ATP2C1: variants seen among roughly 807,000 people sequenced by gnomAD.
The protein encoded by ATP2C1 is calcium-transporting ATPase type 2C member 1.
Under a neutral mutation model 120.5 loss-of-function variants are expected in ATP2C1, and 31 were observed. The ratio of observed to expected loss-of-function variants is 0.26; its 90% CI spans 0.19 to 0.35. The LOEUF is 0.35. Among genes scored for constraint, ATP2C1 ranks in the 10% least tolerant of loss-of-function variants. ATP2C1 has a pLI of 1.00. For synonymous variants in ATP2C1, 351 were observed against 358.7 expected (o/e 0.98, Z 0.24); for missense variants, 731 against 1,107.5 (o/e 0.66, Z 4.83).
intron 6 of ATP2C1, among the ~76,000 whole-genome samples, chr3:130,938,513 T>C (rs2059764145): frequency 6.6e-6 from 1 of 152,226 alleles, no homozygotes; most frequent in Non-Finnish European, 1.5e-5. Context: ...CTAGTTGTTA[T>C]TAGTTCTGTA....
chr3:130,930,518 A>G lies in ATP2C1; in HGVS notation c.109A>G (p.Ile37Val). 6.2e-7 allele frequency: 1 copy of G among 1,603,346 alleles called. No individual in the cohort carries two copies. The highest frequency in any genetic ancestry group is 8.5e-7 in the Non-Finnish European group (1 of 1,170,260). Residue 37 changes from isoleucine to valine, a missense_variant, in exon 3 of 28, where the codon ATT (isoleucine) becomes GTT (valine). Ile to Val is a conservative substitution (Grantham distance 29, BLOSUM62 3). Coordinates refer to ENST00000510168, the MANE Select transcript of ATP2C1 (RefSeq NM_001378687.1). ...ATTACCAGTCAGTGAAGTTGCAAGC[A>G]TTCTCCAAGTAAGTGGTTAGTGGGG... ...SELPVSEVASILQADLQNGLN... is the reference protein window; with the variant it reads ...SELPVSEVASVLQADLQNGLN...
chr3:130,953,698 G>A, intron 8 of ATP2C1, 123 bp from the exon 9 acceptor site: 1 of 996,884 alleles, frequency 1.0e-6, no homozygotes, highest in Non-Finnish European at 1.6e-6. Context: ...TGATGGTTTT[G>A]ATACAAGATG....
intron 9 of ATP2C1, 67 bp downstream of exon 9, chr3:130,954,043 T>C: frequency 1.9e-6 from 3 of 1,571,174 alleles, no homozygotes; most frequent in Non-Finnish European, 2.6e-6. Flanking sequence ...AATTATTTTT[T>C]GCTGATTTTA....
chr3:130,934,714 A>G lies in ATP2C1; in HGVS notation c.324+3A>G. ...ATGATGCCGTCAGTATCACTGTGGT[A>G]AGAAAAAAATTACATATTTTTAATC... On this transcript the variant is annotated splice_donor_region_variant and intron_variant, in intron 5 of 27. Coordinates refer to ENST00000510168, the MANE Select transcript of ATP2C1 (RefSeq NM_001378687.1). 6.3e-7 allele frequency: 1 copy of G among 1,591,092 alleles called. No homozygotes were observed. The highest frequency in any genetic ancestry group is 8.6e-7 in the Non-Finnish European group (1 of 1,159,378).
downstream of ATP2C1, among the ~76,000 whole-genome samples, chr3:131,004,821 G>A (rs146265312): frequency 2.6e-5 from 4 of 151,790 alleles, no homozygotes; most frequent in African/African-American, 7.3e-5. Flanking sequence ...ACCACAATGA[G>A]TTTGACACTG....
intron 20 of ATP2C1, among the ~76,000 whole-genome samples, chr3:130,990,022 T>C (rs2062245872): frequency 6.6e-6 from 1 of 152,212 alleles, no homozygotes; most frequent in African/African-American, 2.4e-5. Flanking sequence ...TTGGATTGCC[T>C]AGGGATAATC....
intron 2 of ATP2C1, among the ~76,000 whole-genome samples, chr3:130,902,283 CG>C (rs2057873570): frequency 8.6e-5 from 7 of 80,938 alleles, no homozygotes; most frequent in African/African-American, 2.9e-4. Flanking sequence ...CAAGGCTTCA[CG>C]TTTTTTTTTT....
At chr3:130,949,926 T>G (rs2060300225) in intron 8 of ATP2C1, among the ~76,000 whole-genome samples, 1 of 152,172 alleles carries the variant, frequency 6.6e-6, no homozygotes, top group Non-Finnish European at 1.5e-5. Flanking sequence ...AATCCATTTC[T>G]AATCTGCATT....
intron 8 of ATP2C1, among the ~76,000 whole-genome samples, chr3:130,951,214 G>C (rs1191038870): frequency 6.6e-6 from 1 of 152,022 alleles, no homozygotes; most frequent in Non-Finnish European, 1.5e-5. Flanking sequence ...TCTATAAGTG[G>C]TTACAAAATT....
intron 12 of ATP2C1, among the ~76,000 whole-genome samples, chr3:130,962,145 G>T (rs2108617145): frequency 6.6e-6 from 1 of 152,056 alleles, no homozygotes; most frequent in East Asian, 1.9e-4. Context: ...ACTTCATACT[G>T]CTTTTAAGTG....
intron 1 of ATP2C1, among the ~76,000 whole-genome samples, chr3:130,860,998 G>A (rs768512429): frequency 8.5e-5 from 13 of 152,134 alleles, no homozygotes; most frequent in Non-Finnish European, 1.8e-4. Flanking sequence ...GACATGGTGC[G>A]GTGGCTCACG....
Position 130,956,084 on chromosome 3 carries a change from C to G in ATP2C1, c.757-20C>G, listed in dbSNP as rs755520103. 1.9e-6 allele frequency: 3 copies of G among 1,555,872 alleles called. No individual in the cohort carries two copies. The East Asian group carries it at 6.7e-5, about 35-fold the overall frequency. ...GTAAATATAGCTAATTGTGGTGACA[C>G]TCTTCTTCAATTTATCAAGGCACCA... On this transcript the variant is annotated intron_variant, in intron 10 of 27. Coordinates refer to ENST00000510168, the MANE Select transcript of ATP2C1 (RefSeq NM_001378687.1).
At chr3:130,970,418 T>C (rs2061255579) in intron 17 of ATP2C1, among the ~76,000 whole-genome samples, 2 of 137,250 alleles carry the variant, frequency 1.5e-5, no homozygotes, top group Non-Finnish European at 1.5e-5. Flanking sequence ...CCTTAAACTT[T>C]CCTTCACTCT....
intron 1 of ATP2C1, among the ~76,000 whole-genome samples, chr3:130,873,327 A>C (rs2068495021): frequency 6.6e-6 from 1 of 152,250 alleles, no homozygotes. Context: ...ATTCTTGAGC[A>C]GGGAGCTTCC....
chr3:130,899,868 A>G (rs915146963), intron 2 of ATP2C1, among the ~76,000 whole-genome samples: 8 of 152,116 alleles, frequency 5.3e-5, no homozygotes, highest in African/African-American at 1.4e-4. Context: ...TAATTCTGCT[A>G]TAGGTATTAG....
chr3:130,895,566 T>C (rs150034649), intron 2 of ATP2C1, among the ~76,000 whole-genome samples: 132 of 152,304 alleles, frequency 8.7e-4, no homozygotes, highest in African/African-American at 3.1e-3. Flanking sequence ...TTGTGCGTGA[T>C]CATTTTTTTT....
Position 131,001,494 on chromosome 3 carries a change from CTT to C in ATP2C1, c.*146_*147del. 7.4e-7 allele frequency: 1 copy of C among 1,348,430 alleles called. No individual in the cohort carries two copies. The highest frequency in any genetic ancestry group is 2.9e-5 in the East Asian group (1 of 34,972). The allele number at this position is 1,348,430 out of a possible 1,614,324, so 83.5% of individuals were successfully genotyped here. A position where few individuals can be genotyped will look rare whatever the true frequency, so the allele number is the denominator to read the frequency against. The stretch of plus-strand genomic sequence containing the variant: ...GAACATTAATGTTAAAGACTTAAGA[CTT>C]TAACCTGCTGGCAGTCCCAAATGAA... On this transcript the variant is annotated 3_prime_UTR_variant, in exon 28 of 28. Coordinates refer to ENST00000510168, the MANE Select transcript of ATP2C1 (RefSeq NM_001378687.1).
chr3:130,980,610 T>G lies in ATP2C1; in HGVS notation c.1770T>G (p.Thr590=). The G allele has an allele frequency of 6.2e-7, 1 of 1,613,316 alleles. No individual in the cohort carries two copies. Among genetic ancestry groups the G allele is most frequent in the East Asian group, 2.2e-5 (1 of 44,798 alleles). ...GTCGTCTGGGATTGTATTCCAAAAC[T>G]TCCCAGTCAGTCTCAGGAGAAGAAA... is the stretch of plus-strand genomic sequence containing the variant. ...IASRLGLYSK[T]SQSVSGEEID... Residue 590 remains threonine (T), a synonymous_variant, in exon 20 of 28, where the codon ACT becomes ACG. Coordinates refer to ENST00000510168, the MANE Select transcript of ATP2C1 (RefSeq NM_001378687.1).
At chr3:130,935,824 G>A (rs1176988871) in intron 5 of ATP2C1, among the ~76,000 whole-genome samples, 2 of 152,206 alleles carry the variant, frequency 1.3e-5, no homozygotes, top group African/African-American at 2.4e-5. Context: ...GGACCCTTGA[G>A]TACATACCTT....
Sources: gnomAD v4.1 joint callset for allele counts (sites outside exome capture counted in the v4.1 genomes callset) on GRCh38, gnomAD v4.1.1 for gene constraint, MANE v1.5 for transcripts, NCBI Gene and HGNC (gene_info 2026-07-23, HGNC 2026-07-21) for gene names.